The following PRR16 variants were observed in gnomAD, a reference collection of about 807,000 sequenced individuals.
PRR16 encodes the protein proline rich 16.
Under a neutral mutation model 18.2 loss-of-function variants are expected in PRR16, and 6 were observed. The observed-to-expected ratio is 0.33, with a 90% CI of 0.18 to 0.65. PRR16 has a LOEUF of 0.65. Among genes scored for constraint, PRR16 ranks in the 30% least tolerant of loss-of-function variants. The pLI is 0.74. For synonymous variants in PRR16, 151 were observed against 147.8 expected (o/e 1.02, Z -0.16); for missense variants, 412 against 376.6 (o/e 1.09, Z -0.78).
chr5:120,693,232 A>G, the PRR16 span, among the ~76,000 whole-genome samples: 1 of 152,316 alleles, frequency 6.6e-6, no homozygotes, highest in Non-Finnish European at 1.5e-5. Flanking sequence ...TGCTCCTGAT[A>G]GAGCACTTAC....
chr5:120,543,024 G>A (rs1327712723), intron 1 of PRR16, among the ~76,000 whole-genome samples: 3 of 152,042 alleles, frequency 2.0e-5, no homozygotes, highest in African/African-American at 7.2e-5. Flanking sequence ...CTTTACTGAG[G>A]ATTATTACAT....
At chr5:120,594,929 T>C (rs899585187) in intron 1 of PRR16, among the ~76,000 whole-genome samples, 2 of 152,110 alleles carry the variant, frequency 1.3e-5, no homozygotes, top group African/African-American at 2.4e-5. Flanking sequence ...ACTGGACCAA[T>C]TCCTTACACC....
the PRR16 span, among the ~76,000 whole-genome samples, chr5:120,760,475 A>C: frequency 6.6e-6 from 1 of 152,032 alleles, no homozygotes; most frequent in East Asian, 1.9e-4. Context: ...TTATTTATAA[A>C]ATTTTGGTAG....
the PRR16 span, among the ~76,000 whole-genome samples, chr5:120,770,727 CAAAT>C: frequency 2.9e-4 from 44 of 152,060 alleles, 1 homozygote; most frequent in Middle Eastern, 6.8e-3. Flanking sequence ...CTCAAGTAGA[CAAAT>C]AACCCAATTT....
chr5:120,747,101 C>T, the PRR16 span, among the ~76,000 whole-genome samples: 1 of 152,118 alleles, frequency 6.6e-6, no homozygotes, highest in African/African-American at 2.4e-5. Flanking sequence ...TTTAGGTTTA[C>T]CTGAAACTTA....
intron 1 of PRR16, among the ~76,000 whole-genome samples, chr5:120,559,398 G>A (rs1752509263): frequency 6.6e-6 from 1 of 151,568 alleles, no homozygotes; most frequent in South Asian, 2.1e-4. Context: ...ACTTATTGAA[G>A]ATTTATTGAA....
At chr5:120,650,522 C>T (rs1755744357) in intron 1 of PRR16, among the ~76,000 whole-genome samples, 1 of 145,942 alleles carries the variant, frequency 6.9e-6, no homozygotes, top group Non-Finnish European at 1.5e-5. Flanking sequence ...TGTTCCCCTT[C>T]CTGTGTCCAT....
chr5:120,635,869 A>T (rs780937916), intron 1 of PRR16, among the ~76,000 whole-genome samples: 5 of 152,104 alleles, frequency 3.3e-5, no homozygotes, highest in Non-Finnish European at 5.9e-5. Context: ...CCTAGAAAAC[A>T]CTAAAGACTC....
intron 1 of PRR16, among the ~76,000 whole-genome samples, chr5:120,525,721 A>C (rs1751324792): frequency 6.6e-6 from 1 of 151,928 alleles, no homozygotes; most frequent in Non-Finnish European, 1.5e-5. Context: ...TAAAATGGAC[A>C]CACATGAAAC....
chr5:120,645,345 C>A (rs1755553093), intron 1 of PRR16, among the ~76,000 whole-genome samples: 1 of 151,712 alleles, frequency 6.6e-6, no homozygotes, highest in South Asian at 2.1e-4. Flanking sequence ...CATACACACA[C>A]ACACACAGAC....
chr5:120,635,178 A>C (rs567479523), intron 1 of PRR16, among the ~76,000 whole-genome samples: 227 of 152,300 alleles, frequency 1.5e-3, no homozygotes, highest in Non-Finnish European at 2.7e-3. Flanking sequence ...GCTGAATTCT[A>C]TCAGGCATTC....
the PRR16 span, among the ~76,000 whole-genome samples, chr5:120,756,937 T>C: frequency 6.6e-6 from 1 of 152,118 alleles, no homozygotes; most frequent in African/African-American, 2.4e-5. Flanking sequence ...TTTAAGGTGT[T>C]ACATTTAATT....
chr5:120,731,063 T>G, the PRR16 span, among the ~76,000 whole-genome samples: 6 of 152,142 alleles, frequency 3.9e-5, no homozygotes, highest in Non-Finnish European at 1.5e-5. Context: ...TAATCACATG[T>G]TTAAAATATG....
the PRR16 span, among the ~76,000 whole-genome samples, chr5:120,727,821 G>A: frequency 6.6e-6 from 1 of 151,846 alleles, no homozygotes; most frequent in Non-Finnish European, 1.5e-5. Context: ...AAATAAGAAA[G>A]TTTACTAGTA....
At chr5:120,570,257 G>A (rs1265924649) in intron 1 of PRR16, among the ~76,000 whole-genome samples, 1 of 152,136 alleles carries the variant, frequency 6.6e-6, no homozygotes, top group Non-Finnish European at 1.5e-5. Flanking sequence ...AGGATAGGGT[G>A]CATTGAGTGG....
the PRR16 span, among the ~76,000 whole-genome samples, chr5:120,705,801 A>G: frequency 5.9e-5 from 9 of 152,282 alleles, no homozygotes; most frequent in Non-Finnish European, 1.0e-4. Flanking sequence ...GTAGAAATCA[A>G]TATTGTCAGT....
chr5:120,779,479 A>G, the PRR16 span, among the ~76,000 whole-genome samples: 1 of 152,254 alleles, frequency 6.6e-6, no homozygotes, highest in East Asian at 1.9e-4. Flanking sequence ...ATCAAGAAAC[A>G]TCCTAGAGAA....
chr5:120,774,931 A>T, the PRR16 span, among the ~76,000 whole-genome samples: 1 of 152,158 alleles, frequency 6.6e-6, no homozygotes. Context: ...CACTGGATTT[A>T]TTTACAACCT....
chr5:120,515,092 A>C (rs1038508231), intron 1 of PRR16, among the ~76,000 whole-genome samples: 2 of 152,210 alleles, frequency 1.3e-5, no homozygotes, highest in African/African-American at 4.8e-5. Flanking sequence ...GAGGTTGAGA[A>C]GGCCAAGATC....
Sources: allele counts gnomAD v4.1 joint callset (sites outside exome capture counted in the v4.1 genomes callset), GRCh38; gene constraint gnomAD v4.1.1; transcripts MANE v1.5; gene names NCBI Gene and HGNC (gene_info 2026-07-23, HGNC 2026-07-21).